MAP2K5: variants seen among roughly 807,000 people sequenced by gnomAD.
The protein encoded by MAP2K5 is dual specificity mitogen-activated protein kinase kinase 5.
A neutral mutation model predicts 83.1 loss-of-function variants in MAP2K5; 49 were observed. The observed-to-expected ratio is 0.59, with a 90% CI of 0.47 to 0.75. MAP2K5 has a LOEUF of 0.75. Among genes scored for constraint, MAP2K5 ranks in the 30% least tolerant of loss-of-function variants. The probability of loss-of-function intolerance (pLI) is 0.00; values close to 1 mark genes in which losing one functional copy is unlikely to be tolerated. For missense variants in MAP2K5, 457 were observed against 557.5 expected (o/e 0.82, Z 1.82); for synonymous variants, 202 against 191.8 (o/e 1.05, Z -0.44).
chr15:67,630,948 A>T, intron 9 of MAP2K5, 21 bp downstream of exon 9: 1 of 1,577,318 alleles, frequency 6.3e-7, no homozygotes, highest in Non-Finnish European at 8.7e-7. Flanking sequence ...GATACATTTT[A>T]TGAAATTCTT....
intron 13 of MAP2K5, among the ~76,000 whole-genome samples, chr15:67,685,441 T>C (rs562871661): frequency 6.6e-6 from 1 of 151,996 alleles, no homozygotes; most frequent in Non-Finnish European, 1.5e-5. Context: ...TACAAAAAAA[T>C]GTTAAGCTAT....
intron 8 of MAP2K5, among the ~76,000 whole-genome samples, chr15:67,618,033 T>G (rs1341723094): frequency 6.6e-6 from 1 of 152,188 alleles, no homozygotes; most frequent in East Asian, 1.9e-4. Context: ...GAAATTCAGT[T>G]TATTCTTTGT....
At chr15:67,692,275 A>G (rs751750287) in intron 13 of MAP2K5, among the ~76,000 whole-genome samples, 2 of 152,188 alleles carry the variant, frequency 1.3e-5, no homozygotes, top group Non-Finnish European at 2.9e-5. Context: ...AGAAACCAGA[A>G]ATCGTTGAAC....
chr15:67,624,592 TGTGTG>T (rs1379374578), intron 8 of MAP2K5, among the ~76,000 whole-genome samples: 4 of 296 alleles, frequency 0.014, no homozygotes, highest in South Asian at 0.056. Context: ...GATCTCTTTG[TGTGTG>T]TGTGTGTGTG....
rs2087332183 is a variant in MAP2K5 at position 67,664,770 on chromosome 15, T to G, written c.847+125T>G. On this transcript the variant is annotated intron_variant, in intron 13 of 21. Transcript: ENST00000178640. ...CTGATACATCTGGTACTCAAAAAGA[T>G]GGCTGCTCTATAAATGTTATTTTTC... 8.8e-6 allele frequency: 5 copies of G among 569,318 alleles called. No homozygotes were observed. The Admixed American group carries it at 1.3e-4, about 14-fold the overall frequency. The allele number at this position is 569,318 out of a possible 1,614,324, so 35.3% of individuals were successfully genotyped here.
chr15:67,569,048 G>A (rs1163387277), intron 3 of MAP2K5, among the ~76,000 whole-genome samples: 5 of 150,484 alleles, frequency 3.3e-5, no homozygotes, highest in Admixed American at 1.3e-4. Flanking sequence ...CTCTGTGGGC[G>A]TCTGAAGGTT....
In MAP2K5 at chr15:67,748,218, T is replaced by C. The variant is rs908215607; in HGVS notation, c.1075-13T>C. On this transcript the variant is annotated splice_polypyrimidine_tract_variant and intron_variant, in intron 17 of 21. Transcript: ENST00000178640. The surrounding 1 kb of genome is among the most constrained non-coding windows in gnomAD (Gnocchi z 4.0). Reference sequence around the variant, plus strand: ...TGATTATGACATGCTAATTACATATTGCCTTTTTTCAGATTCAGAAAAACC... The same window carrying C: ...TGATTATGACATGCTAATTACATATCGCCTTTTTTCAGATTCAGAAAAACC... The C allele has an allele frequency of 1.9e-6, 3 of 1,595,894 alleles. No individual in the cohort carries two copies. The highest frequency in any genetic ancestry group is 2.6e-6 in the Non-Finnish European group (3 of 1,164,154).
intron 8 of MAP2K5, among the ~76,000 whole-genome samples, chr15:67,621,070 C>T (rs968864911): frequency 1.1e-4 from 17 of 151,558 alleles, no homozygotes; most frequent in African/African-American, 3.4e-4. Flanking sequence ...ATTTAAAATA[C>T]CAAGACACAG....
At chr15:67,799,761 G>C (rs185022874) in intron 21 of MAP2K5, among the ~76,000 whole-genome samples, 3 of 152,350 alleles carry the variant, frequency 2.0e-5, no homozygotes, top group East Asian at 1.9e-4. Context: ...CCTCCCTGGG[G>C]ACAAGGCTCA....
intron 17 of MAP2K5, among the ~76,000 whole-genome samples, chr15:67,742,346 A>C (rs755112107): frequency 1.9e-4 from 29 of 152,244 alleles, no homozygotes; most frequent in Non-Finnish European, 4.0e-4. Flanking sequence ...GTGACTTCCA[A>C]CATCATGTAG....
chr15:67,661,028 G>A (rs996265390), intron 12 of MAP2K5, among the ~76,000 whole-genome samples: 4 of 36,972 alleles, frequency 1.1e-4, no homozygotes, highest in African/African-American at 3.5e-4. Context: ...TTATTTTCCA[G>A]GGTCTAATAA....
At chr15:67,669,066 A>G (rs1353354138) in intron 13 of MAP2K5, among the ~76,000 whole-genome samples, 1 of 152,110 alleles carries the variant, frequency 6.6e-6, no homozygotes, top group African/African-American at 2.4e-5. Context: ...CCTCACACAG[A>G]CTTTCCAATT....
chr15:67,680,835 A>G (rs541963807), intron 13 of MAP2K5, among the ~76,000 whole-genome samples: 1 of 152,312 alleles, frequency 6.6e-6, no homozygotes, highest in South Asian at 2.1e-4. Flanking sequence ...ACATGTTGTG[A>G]TTGGATAATG....
Position 67,542,729 on chromosome 15 carries a change from ACCGCCGTC to A in MAP2K5, c.-606_-599del, listed in dbSNP as rs2084316742. ...CCTTCCTCCTCCTCCTCTCGCCGCT[ACCGCCGTC>A]GCCGCCGCCGCAGCCGCCGCCAGTC... is the stretch of plus-strand genomic sequence containing the variant. On this transcript the variant is annotated 5_prime_UTR_variant, in exon 1 of 22. Coordinates refer to ENST00000178640, the MANE Select transcript of MAP2K5 (RefSeq NM_145160.3). 1.0e-5 allele frequency: 1 copy of A among 97,328 alleles called. No individual in the cohort carries two copies. Among genetic ancestry groups the A allele is most frequent in the Non-Finnish European group, 2.5e-5 (1 of 39,426 alleles). The allele number at this position is 97,328 out of a possible 1,614,324, so 6.0% of individuals were successfully genotyped here.
intron 3 of MAP2K5, among the ~76,000 whole-genome samples, chr15:67,564,714 C>G (rs901997502): frequency 6.6e-6 from 1 of 152,182 alleles, no homozygotes; most frequent in South Asian, 2.1e-4. Flanking sequence ...AAAGGTCTAC[C>G]ACTGGTATTG....
chr15:67,591,081 T>C (rs540978385), intron 6 of MAP2K5, among the ~76,000 whole-genome samples: 26 of 151,988 alleles, frequency 1.7e-4, no homozygotes, highest in Admixed American at 4.6e-4. Flanking sequence ...GTGTGGTGGC[T>C]CATGCCTGTA....
At chr15:67,694,457 G>A (rs2088195009) in intron 15 of MAP2K5, among the ~76,000 whole-genome samples, 1 of 151,976 alleles carries the variant, frequency 6.6e-6, no homozygotes, top group African/African-American at 2.4e-5. Flanking sequence ...TATTCTTTCT[G>A]TATATATTAT....
rs1439915448 is a variant in MAP2K5, at chr15:67,747,100, A to G, written c.1075-1131A>G. On this transcript the variant is annotated intron_variant, in intron 17 of 21. Transcript: ENST00000178640. This position sits in a 1 kb window ranked among gnomAD's most constrained non-coding sequence, Gnocchi z 4.1. The stretch of plus-strand genomic sequence containing the variant: ...TCTGGAGGAGCCCCAGCACCACCAC[A>G]CCCTGGCGCTGAGGCCTCAGGCCCG... Among the ~76,000 whole-genome samples the G allele has an allele frequency of 6.6e-6, 1 of 152,162 alleles. No homozygotes were observed. Among genetic ancestry groups the G allele is most frequent in the Non-Finnish European group, 1.5e-5 (1 of 68,032 alleles).
At chr15:67,730,291 G>A (rs2089191824) in intron 17 of MAP2K5, among the ~76,000 whole-genome samples, 1 of 152,104 alleles carries the variant, frequency 6.6e-6, no homozygotes, top group Admixed American at 6.5e-5. Context: ...GCTGAGTTAT[G>A]GAATAACACC....
Sources: allele counts gnomAD v4.1 joint callset (sites outside exome capture counted in the v4.1 genomes callset), GRCh38; gene constraint gnomAD v4.1.1; non-coding constraint Gnocchi (gnomAD v3.1); transcripts MANE v1.5; gene names NCBI Gene and HGNC (gene_info 2026-07-23, HGNC 2026-07-21).